Variants in CLEC16A observed in about 807,000 individuals in gnomAD.
CLEC16A encodes the protein protein CLEC16A.
In CLEC16A, 51 loss-of-function variants were observed where a neutral mutation model predicts 109.5. That is an observed-to-expected ratio of 0.47 (90% CI 0.37 to 0.59). The LOEUF is 0.59. Ranked by LOEUF, CLEC16A falls within the 20% of genes least tolerant of loss-of-function variation. CLEC16A has a pLI of 0.00. For missense variants in CLEC16A, 1,339 were observed against 1,394.0 expected, an observed-to-expected ratio of 0.96 and a Z score of 0.63; for synonymous variants, 673 against 564.2, an observed-to-expected ratio of 1.19 and a Z score of -2.73.
chr16:10,985,539 C>A (rs1295554607), intron 10 of CLEC16A, among the ~76,000 whole-genome samples: 1 of 118,752 alleles, frequency 8.4e-6, no homozygotes, highest in Non-Finnish European at 1.9e-5. Context: ...GTACTGGGTC[C>A]CTCGGGACTT....
At chr16:11,040,514 C>CTT (rs781297913) in intron 14 of CLEC16A, 2 of 101,538 alleles carry the variant, frequency 2.0e-5, no homozygotes, top group Non-Finnish European at 1.9e-5. Context: ...TTTTTCTTTT[C>CTT]TTTTTTTTTT....
intron 19 of CLEC16A, among the ~76,000 whole-genome samples, chr16:11,106,955 C>T (rs375380820): frequency 6.6e-6 from 1 of 152,152 alleles, no homozygotes; most frequent in East Asian, 1.9e-4. Flanking sequence ...GCATTCAGAC[C>T]TGTGCTTCTT....
At chr16:10,946,910 C>T (rs1243895295) in intron 1 of CLEC16A, among the ~76,000 whole-genome samples, 1 of 152,210 alleles carries the variant, frequency 6.6e-6, no homozygotes, top group Non-Finnish European at 1.5e-5. Flanking sequence ...GGATTTGACT[C>T]CCGAGCTTGT....
intron 3 of CLEC16A, among the ~76,000 whole-genome samples, 168 bp from the exon 4 acceptor site, chr16:10,968,993 G>T (rs1036943204): frequency 6.6e-6 from 1 of 152,136 alleles, no homozygotes; most frequent in Non-Finnish European, 1.5e-5. Context: ...GTACATTGAA[G>T]ATGATCTCTT....
intron 19 of CLEC16A, among the ~76,000 whole-genome samples, chr16:11,119,857 G>A (rs558452489): frequency 5.9e-5 from 9 of 152,124 alleles, no homozygotes; most frequent in Non-Finnish European, 7.3e-5. Context: ...TCACTTTAAC[G>A]ATATCATTTC....
At position 10,982,870 on chromosome 16, in the gene CLEC16A, T is replaced by G. The variant is rs1555525431; in HGVS notation, c.958-8T>G. 2 of 1,530,160 alleles carry G rather than the reference T, an allele frequency of 1.3e-6. No individual in the cohort carries two copies. Among genetic ancestry groups the G allele is most frequent in the Non-Finnish European group, 1.8e-6 (2 of 1,104,410 alleles). 94.8% of individuals were successfully genotyped at this position (1,530,160 alleles called of 1,614,324 possible). On this transcript the variant is annotated splice_polypyrimidine_tract_variant and splice_region_variant and intron_variant, in intron 9 of 23. Transcript: ENST00000409790. ...TCATGCAAATCCCGTTTCTTTTTTT[T>G]CCGCCAGGTCTTCTTAATTATACAT...
intron 19 of CLEC16A, among the ~76,000 whole-genome samples, chr16:11,109,318 T>C (rs1271804195): frequency 6.6e-6 from 1 of 151,932 alleles, no homozygotes; most frequent in Admixed American, 6.6e-5. Flanking sequence ...CACACCCAGC[T>C]AATTTTTTTA....
intron 7 of CLEC16A, among the ~76,000 whole-genome samples, chr16:10,975,499 A>C (rs943155871): frequency 2.0e-5 from 3 of 152,192 alleles, no homozygotes; most frequent in African/African-American, 7.2e-5. Flanking sequence ...CATTAGAGAA[A>C]ATGTTCCAAA....
At chr16:11,044,676 A>T (rs999971884) in intron 16 of CLEC16A, among the ~76,000 whole-genome samples, 2 of 152,148 alleles carry the variant, frequency 1.3e-5, no homozygotes, top group African/African-American at 4.8e-5. Context: ...CATGCCTGTA[A>T]TCCCAGCACT....
rs2043533718 is a variant in CLEC16A at position 10,984,901 on chromosome 16, G to A, written c.1071+1910G>A. ...TGCTCTAGAGAGCTGATGGAGATGGGGGCAAAATATAAAGTGCCCGCTGGG... is the reference window on the plus strand; with the variant it reads ...TGCTCTAGAGAGCTGATGGAGATGGAGGCAAAATATAAAGTGCCCGCTGGG... On this transcript the variant is annotated intron_variant, in intron 10 of 23. Coordinates refer to ENST00000409790, the MANE Select transcript of CLEC16A (RefSeq NM_015226.3). Among the ~76,000 whole-genome samples, 2 of 152,186 alleles carry A rather than the reference G, an allele frequency of 1.3e-5. 1 individual carries two copies. Among genetic ancestry groups the A allele is most frequent in the Middle Eastern group, 6.8e-3 (2 of 294 alleles).
In CLEC16A at chr16:11,173,878, C is replaced by T. The variant is rs118176050; in HGVS notation, c.2807-4457C>T. 4.3e-3 allele frequency among the ~76,000 whole-genome samples: 657 copies of T among 152,274 alleles called. 23 individuals carry two copies. In the East Asian group the frequency reaches 0.094, roughly 22 times the overall value. On this transcript the variant is annotated intron_variant, in intron 23 of 23. Coordinates refer to ENST00000409790, the MANE Select transcript of CLEC16A (RefSeq NM_015226.3). ...CCTTTCCAACAGGACTCCACCTTCT[C>T]TGCCCCTAACCCGGTTAAGTTGCAC...
chr16:11,040,431 C>G (rs985330888), intron 14 of CLEC16A: 1 of 152,626 alleles, frequency 6.6e-6, no homozygotes, highest in African/African-American at 2.4e-5. Flanking sequence ...CCGATGGAGC[C>G]GAGACCACCC....
intron 19 of CLEC16A, among the ~76,000 whole-genome samples, chr16:11,101,374 A>T (rs1036798873): frequency 1.3e-5 from 2 of 152,100 alleles, no homozygotes; most frequent in Admixed American, 6.5e-5. Context: ...CCCAGCCCCA[A>T]CAAAGGACAG....
chr16:11,021,839 G>A, intron 12 of CLEC16A, among the ~76,000 whole-genome samples: 1 of 152,004 alleles, frequency 6.6e-6, no homozygotes, highest in Admixed American at 6.5e-5. Context: ...GTCATGATGT[G>A]TTCAGTTCCT....
chr16:10,991,211 T>A lies in CLEC16A; in HGVS notation c.1071+8220T>A, dbSNP rs375433865. On this transcript the variant is annotated intron_variant, in intron 10 of 23. Coordinates refer to ENST00000409790, the MANE Select transcript of CLEC16A (RefSeq NM_015226.3). ...GGGCAATGCTCGGAGGCTGGAGTGT[T>A]ACAGTTCTCAGTAAGGTGGCTGGGG... Among the ~76,000 whole-genome samples the A allele has an allele frequency of 2.1e-3, 326 of 152,048 alleles. 15 individuals are homozygous for A. In the South Asian group the frequency reaches 0.065, roughly 30 times the overall value.
chr16:10,959,681 C>T (rs1329923022), intron 2 of CLEC16A, among the ~76,000 whole-genome samples: 4 of 151,450 alleles, frequency 2.6e-5, no homozygotes, highest in East Asian at 1.9e-4. Context: ...CATGAGCCAC[C>T]GTGCCCAGCT....
intron 19 of CLEC16A, among the ~76,000 whole-genome samples, chr16:11,071,975 G>T (rs1328842848): frequency 6.6e-6 from 1 of 152,036 alleles, no homozygotes; most frequent in Non-Finnish European, 1.5e-5. Flanking sequence ...GCTGAAGTGT[G>T]TAGGGGTAAA....
chr16:11,037,014 C>G (rs556695555), intron 13 of CLEC16A, among the ~76,000 whole-genome samples: 1 of 152,210 alleles, frequency 6.6e-6, no homozygotes, highest in South Asian at 2.1e-4. Context: ...CTCTTTCGAT[C>G]CTGACAGCAG....
chr16:11,015,810 G>A (rs1428960809), intron 11 of CLEC16A, among the ~76,000 whole-genome samples: 1 of 152,234 alleles, frequency 6.6e-6, no homozygotes, highest in Non-Finnish European at 1.5e-5. Flanking sequence ...GGAAGTACTT[G>A]GAGCTGAGTT....
Sources: allele counts gnomAD v4.1 joint callset (sites outside exome capture counted in the v4.1 genomes callset), GRCh38; gene constraint gnomAD v4.1.1; transcripts MANE v1.5; gene names NCBI Gene and HGNC (gene_info 2026-07-23, HGNC 2026-07-21).